ROBO2: variants seen among roughly 807,000 people sequenced by gnomAD.
ROBO2 encodes roundabout guidance receptor 2.
Under a neutral mutation model 160.8 loss-of-function variants are expected in ROBO2, and 53 were observed. The ratio of observed to expected loss-of-function variants is 0.33; its 90% confidence interval spans 0.26 to 0.41. The LOEUF (loss-of-function observed/expected upper bound fraction) is 0.41. Ranked by LOEUF, ROBO2 falls within the 10% of genes least tolerant of loss-of-function variation. ROBO2 has a pLI of 1.00. For missense variants in ROBO2, 1,577 were observed against 1,722.4 expected, an observed-to-expected ratio of 0.92 and a Z score of 1.49; for synonymous variants, 664 against 611.7, an observed-to-expected ratio of 1.09 and a Z score of -1.26.
intron 2 of ROBO2, among the ~76,000 whole-genome samples, chr3:76,459,721 A>G (rs1036788002): frequency 1.3e-5 from 2 of 152,202 alleles, no homozygotes; most frequent in Admixed American, 1.3e-4. Flanking sequence ...AATTGCCAAC[A>G]TTATTGGAAT....
chr3:76,161,788 T>G (rs1483834832), intron 2 of ROBO2, among the ~76,000 whole-genome samples: 3 of 152,196 alleles, frequency 2.0e-5, no homozygotes, highest in Non-Finnish European at 4.4e-5. Context: ...TCACCATCTC[T>G]TTTACCTGCC....
In ROBO2 at chr3:77,450,195, G is replaced by C. The variant is rs184544084; in HGVS notation, c.389-27219G>C. 2.6e-3 allele frequency among the ~76,000 whole-genome samples: 395 copies of C among 152,188 alleles called. 2 individuals are homozygous for C. The highest frequency in any genetic ancestry group is 9.1e-3 in the African/African-American group (379 of 41,540). On this transcript the variant is annotated intron_variant, in intron 2 of 25. Transcript: ENST00000461745. ...GTCAGCTGGTTTTATTTAAAATTGA[G>C]AATCCAGTTGTTAGAATATTCAAAC... is the stretch of plus-strand genomic sequence containing the variant.
chr3:77,415,909 C>T (rs2077178648), intron 2 of ROBO2, among the ~76,000 whole-genome samples: 2 of 152,318 alleles, frequency 1.3e-5, no homozygotes, highest in Middle Eastern at 3.4e-3. Flanking sequence ...TTCGTTCCTG[C>T]AGCCCATAGC....
At chr3:77,519,571 C>G (rs1467959814) in intron 5 of ROBO2, among the ~76,000 whole-genome samples, 1 of 151,232 alleles carries the variant, frequency 6.6e-6, no homozygotes, top group Non-Finnish European at 1.5e-5. Context: ...CATGTGTACC[C>G]AATTTTCACC....
rs144178449 is a variant in ROBO2, at chr3:77,243,693, T to A, written c.388+145353T>A. ...AGCTTGAAACCCAGCACTGTCAATTTAGTGAGCGCGGCCTTACACAAAGTT... is the reference window on the plus strand; with the variant it reads ...AGCTTGAAACCCAGCACTGTCAATTAAGTGAGCGCGGCCTTACACAAAGTT... On this transcript the variant is annotated intron_variant, in intron 2 of 25. Transcript: ENST00000461745. Among the ~76,000 whole-genome samples, 768 of 152,320 alleles carry A rather than the reference T, an allele frequency of 5.0e-3. 8 individuals are homozygous for A. Among genetic ancestry groups the A allele is most frequent in the African/African-American group, 0.018 (735 of 41,564 alleles).
At chr3:77,324,239 C>T (rs2153434849) in intron 2 of ROBO2, among the ~76,000 whole-genome samples, 1 of 152,196 alleles carries the variant, frequency 6.6e-6, no homozygotes, top group South Asian at 2.1e-4. Flanking sequence ...TATGTGTGTT[C>T]CTAGCATGGA....
intron 2 of ROBO2, among the ~76,000 whole-genome samples, chr3:77,404,116 CTATA>C (rs1459008342): frequency 6.6e-6 from 1 of 152,018 alleles, no homozygotes; most frequent in African/African-American, 2.4e-5. Context: ...ATGACAGTCT[CTATA>C]TATAATAACT....
chr3:76,105,190 A>G (rs1211102148), intron 2 of ROBO2, among the ~76,000 whole-genome samples: 1 of 152,094 alleles, frequency 6.6e-6, no homozygotes, highest in South Asian at 2.1e-4. Flanking sequence ...ACTTAGAAAA[A>G]AAAAAACACT....
intron 2 of ROBO2, among the ~76,000 whole-genome samples, chr3:77,472,388 A>G (rs946702969): frequency 3.9e-5 from 6 of 152,184 alleles, no homozygotes; most frequent in African/African-American, 1.2e-4. Flanking sequence ...TACAGCATTC[A>G]ATACATACTT....
At chr3:76,963,835 G>GT (rs1577886049) in intron 2 of ROBO2, among the ~76,000 whole-genome samples, 1 of 46,308 alleles carries the variant, frequency 2.2e-5, no homozygotes, top group Non-Finnish European at 4.0e-5. Context: ...ATGAGGAACT[G>GT]CAAAAAAAAA....
At chr3:76,440,542 T>C (rs2076879757) in intron 2 of ROBO2, among the ~76,000 whole-genome samples, 1 of 152,152 alleles carries the variant, frequency 6.6e-6, no homozygotes, top group Non-Finnish European at 1.5e-5. Flanking sequence ...AAGGGTGCTT[T>C]AGTGAACAGA....
At chr3:76,555,443 A>AAGG (rs2083726254) in intron 2 of ROBO2, among the ~76,000 whole-genome samples, 1 of 138,798 alleles carries the variant, frequency 7.2e-6, no homozygotes, top group African/African-American at 2.6e-5. Flanking sequence ...GAAGGGGAAG[A>AAGG]GGAAGAGGAA....
intron 2 of ROBO2, among the ~76,000 whole-genome samples, chr3:76,838,503 G>C (rs2067918122): frequency 6.6e-6 from 1 of 152,034 alleles, no homozygotes; most frequent in African/African-American, 2.4e-5. Context: ...GAAAAGGAAA[G>C]GTTCTAGTAG....
chr3:75,992,377 C>T (rs1023538086), intron 2 of ROBO2, among the ~76,000 whole-genome samples: 2 of 152,126 alleles, frequency 1.3e-5, no homozygotes, highest in African/African-American at 4.8e-5. Context: ...CCAAGCTCAG[C>T]CCATTGCTCC....
intron 2 of ROBO2, among the ~76,000 whole-genome samples, chr3:77,279,052 A>G (rs1442680889): frequency 1.3e-5 from 2 of 152,096 alleles, no homozygotes; most frequent in Non-Finnish European, 2.9e-5. Context: ...CTAGACCTCG[A>G]TATTTTATTA....
At chr3:76,359,848 A>G (rs10511044) in intron 2 of ROBO2, among the ~76,000 whole-genome samples, 2,905 of 152,118 alleles carry the variant, frequency 0.019, 82 homozygotes, top group African/African-American at 0.066. Flanking sequence ...ACAGGAAGCC[A>G]GTATATTATA....
intron 2 of ROBO2, among the ~76,000 whole-genome samples, chr3:75,955,725 G>C (rs1948700823): frequency 6.6e-6 from 1 of 151,552 alleles, no homozygotes; most frequent in African/African-American, 2.4e-5. Flanking sequence ...GGGTTTATGA[G>C]GCTTCCATTT....
chr3:77,355,108 T>C (rs2153461713), intron 2 of ROBO2, among the ~76,000 whole-genome samples: 1 of 152,256 alleles, frequency 6.6e-6, no homozygotes, highest in Admixed American at 6.5e-5. Context: ...ACCTTTATGA[T>C]CAACCCTTCC....
chr3:77,205,990 C>A (rs1449989508), intron 2 of ROBO2, among the ~76,000 whole-genome samples: 2 of 152,074 alleles, frequency 1.3e-5, no homozygotes, highest in Non-Finnish European at 2.9e-5. Context: ...GGGACACACT[C>A]CCTCTGAATG....
Sources: allele counts gnomAD v4.1 joint callset (sites outside exome capture counted in the v4.1 genomes callset), GRCh38; gene constraint gnomAD v4.1.1; transcripts MANE v1.5; gene names NCBI Gene and HGNC (gene_info 2026-07-23, HGNC 2026-07-21).